CLCA2: variants seen among roughly 807,000 people sequenced by gnomAD.
The protein encoded by CLCA2 is calcium-activated chloride channel regulator 2.
In CLCA2, 85 loss-of-function variants were observed where a neutral mutation model predicts 82.9. The observed-to-expected ratio is 1.03, with a 90% CI of 0.86 to 1.23. CLCA2 has a LOEUF of 1.23. Ranked by LOEUF, CLCA2 falls within the 50% of genes most tolerant of loss-of-function variation. The pLI is 0.00. For missense variants in CLCA2, 1,089 were observed against 1,124.8 expected (o/e 0.97, Z 0.45); for synonymous variants, 421 against 391.7 (o/e 1.07, Z -0.88).
chr1:86,434,133 C>T (rs557958796), intron 5 of CLCA2, among the ~76,000 whole-genome samples: 2 of 152,152 alleles, frequency 1.3e-5, no homozygotes, highest in South Asian at 4.2e-4. Context: ...AAATATTATT[C>T]CAAGGAGTAG....
In CLCA2 at chr1:86,453,464, T is replaced by C. The variant is rs763147874; in HGVS notation, c.2251T>C (p.Ser751Pro). ...FSRVSSGGSFSVLGVPAGPHP... is the reference protein window; with the variant it reads ...FSRVSSGGSFPVLGVPAGPHP... ...CCGAGTCAGCTCAGGAGGCTCCTTTTCAGTGCTGGGAGTTCCAGCTGGCCC... is the reference window on the plus strand; with the variant it reads ...CCGAGTCAGCTCAGGAGGCTCCTTTCCAGTGCTGGGAGTTCCAGCTGGCCC... The change falls in exon 13 of 14, where the codon TCA becomes CCA. Residue 751 changes from serine to proline, a missense_variant. Ser to Pro is a moderately conservative substitution (Grantham distance 74, BLOSUM62 -1). Transcript: ENST00000370565. 1.5e-5 allele frequency: 24 copies of C among 1,614,068 alleles called. No individual in the cohort carries two copies. Among genetic ancestry groups the C allele is most frequent in the Non-Finnish European group, 1.6e-5 (19 of 1,180,038 alleles).
rs1662521674 is a variant in CLCA2, at chr1:86,432,490, G to A, written c.706G>A (p.Ala236Thr). 6.2e-7 allele frequency: 1 copy of A among 1,613,934 alleles called. No homozygotes were observed. Among genetic ancestry groups the A allele is most frequent in the Non-Finnish European group, 8.5e-7 (1 of 1,179,942 alleles). The change falls in exon 5 of 14, where the codon GCA becomes ACA. Residue 236 changes from alanine to threonine, a missense_variant. Ala to Thr is a moderately conservative substitution (Grantham distance 58). Transcript: ENST00000370565. The part of the protein sequence containing the change: ...CTFIYNSTQN[A>T]TASIMFMQSL... ...CTTTATCTACAATAGCACCCAAAATGCAACTGCATCAATAATGTTCATGCA... is the reference window on the plus strand; with the variant it reads ...CTTTATCTACAATAGCACCCAAAATACAACTGCATCAATAATGTTCATGCA...
chr1:86,433,750 A>C (rs1226281077), intron 5 of CLCA2, among the ~76,000 whole-genome samples: 2 of 152,198 alleles, frequency 1.3e-5, no homozygotes, highest in African/African-American at 4.8e-5. Context: ...TCAAAGCTTC[A>C]GCTTTCTTTT....
intron 2 of CLCA2, among the ~76,000 whole-genome samples, 197 bp downstream of exon 2, chr1:86,425,673 T>A (rs941891098): frequency 6.6e-6 from 1 of 152,102 alleles, no homozygotes; most frequent in Non-Finnish European, 1.5e-5. Flanking sequence ...AAAAAATGAG[T>A]CAAATGCCAT....
chr1:86,448,571 A>G (rs1296516653), intron 11 of CLCA2: 1 of 152,208 alleles, frequency 6.6e-6, no homozygotes, highest in African/African-American at 2.4e-5. Context: ...ATGGCAGTAG[A>G]CCTGCCTCTT....
chr1:86,431,071 A>C, intron 4 of CLCA2, 101 bp downstream of exon 4: 2 of 762,844 alleles, frequency 2.6e-6, no homozygotes, highest in Non-Finnish European at 4.2e-6. Context: ...CAATTAATTT[A>C]ATTGCAGCTA....
rs1470320739 is a variant in CLCA2 at position 86,453,508 on chromosome 1, A to C, written c.2295A>C (p.Pro765=). The C allele has an allele frequency of 6.2e-7, 1 of 1,614,136 alleles. No individual in the cohort carries two copies. The highest frequency in any genetic ancestry group is 8.5e-7 in the Non-Finnish European group (1 of 1,180,000). ...CTGGCCCCCACCCTGATGTGTTTCC[A>C]CCATGCAAAATTATTGACCTGGAAG... ...VPAGPHPDVF[P]PCKIIDLEAV... The change falls in exon 13 of 14, where the codon CCA becomes CCC. Residue 765 remains proline, a synonymous_variant. Coordinates refer to ENST00000370565, the MANE Select transcript of CLCA2 (RefSeq NM_006536.7).
intron 7 of CLCA2, 28 bp from the exon 8 acceptor site, chr1:86,440,119 CT>C: frequency 5.6e-6 from 9 of 1,606,316 alleles, no homozygotes; most frequent in Non-Finnish European, 7.7e-6. Context: ...ACTACACTTC[CT>C]TCCAAGTGAC....
At chr1:86,454,753 C>T (rs1325054813) in intron 13 of CLCA2, among the ~76,000 whole-genome samples, 2 of 152,182 alleles carry the variant, frequency 1.3e-5, no homozygotes, top group Non-Finnish European at 2.9e-5. Flanking sequence ...GATGGCGCCA[C>T]TGCACTCCAA....
chr1:86,434,414 T>A, intron 5 of CLCA2, 104 bp from the exon 6 acceptor site: 1 of 877,260 alleles, frequency 1.1e-6, no homozygotes, highest in Admixed American at 2.5e-5. Context: ...TGATTTCTTT[T>A]CTTTCAGTTC....
At chr1:86,453,731 T>A in intron 13 of CLCA2, 129 bp downstream of exon 13, 2 of 812,016 alleles carry the variant, frequency 2.5e-6, no homozygotes, top group Non-Finnish European at 1.9e-6. Flanking sequence ...GATCAGGCTT[T>A]AAATCCTGGA....
At position 86,450,562 on chromosome 1, in the gene CLCA2, G is replaced by C; in HGVS notation, c.1985-1G>C. 1 of 1,608,874 alleles carries C rather than the reference G, an allele frequency of 6.2e-7. No homozygotes were observed. Among genetic ancestry groups the C allele is most frequent in the East Asian group, 2.2e-5 (1 of 44,756 alleles). ...TGACACTGTGTTTTTTATATATACAGGTGCTGATGTTATAAAAAATGATGG... is the reference window on the plus strand; with the variant it reads ...TGACACTGTGTTTTTTATATATACACGTGCTGATGTTATAAAAAATGATGG... On this transcript the variant is annotated splice_acceptor_variant, in intron 11 of 13. Transcript: ENST00000370565. LOFTEE classifies it high-confidence loss of function.
intron 3 of CLCA2, among the ~76,000 whole-genome samples, chr1:86,430,358 T>C (rs1397133701): frequency 6.6e-6 from 1 of 152,146 alleles, no homozygotes; most frequent in Non-Finnish European, 1.5e-5. Context: ...TTTTGCTCCT[T>C]CCTCCTTCCC....
intron 6 of CLCA2, among the ~76,000 whole-genome samples, chr1:86,435,338 C>A (rs559358153): frequency 1.3e-5 from 2 of 152,254 alleles, no homozygotes; most frequent in South Asian, 4.1e-4. Context: ...CTATAATGAT[C>A]GAAAATTCTT....
At position 86,424,244 on chromosome 1, in the gene CLCA2, C is replaced by A. The variant is rs779675924; in HGVS notation, c.-4C>A. 1.2e-6 allele frequency: 2 copies of A among 1,609,940 alleles called. No homozygotes were observed. Among genetic ancestry groups the A allele is most frequent in the Non-Finnish European group, 8.5e-7 (1 of 1,178,558 alleles). On this transcript the variant is annotated 5_prime_UTR_variant, in exon 1 of 14. Transcript: ENST00000370565. ...TGTGAGTGAACTGGAGGCTTCTCTACAACATGACCCAAAGGAGCATTGCAG... is the reference window on the plus strand; with the variant it reads ...TGTGAGTGAACTGGAGGCTTCTCTAAAACATGACCCAAAGGAGCATTGCAG...
chr1:86,434,868 G>C (rs1662574006), intron 6 of CLCA2, 123 bp downstream of exon 6: 1 of 765,988 alleles, frequency 1.3e-6, no homozygotes, highest in Non-Finnish European at 2.1e-6. Flanking sequence ...TACACAGGTA[G>C]ACATGTGCCA....
chr1:86,452,297 T>C (rs1662988513), intron 12 of CLCA2, among the ~76,000 whole-genome samples: 1 of 151,176 alleles, frequency 6.6e-6, no homozygotes, highest in Non-Finnish European at 1.5e-5. Context: ...ACTGCCACTT[T>C]CTTGCCCTCC....
chr1:86,427,443 GA>G (rs1399584236), intron 2 of CLCA2, among the ~76,000 whole-genome samples: 1 of 151,478 alleles, frequency 6.6e-6, no homozygotes, highest in South Asian at 2.1e-4. Context: ...TATACTCATT[GA>G]AAAAAATTAA....
chr1:86,435,256 A>G (rs1415090891), intron 6 of CLCA2, among the ~76,000 whole-genome samples: 4 of 152,238 alleles, frequency 2.6e-5, no homozygotes, highest in Non-Finnish European at 5.9e-5. Flanking sequence ...AAATCCACAG[A>G]TAATTTCTAA....
Sources: allele counts gnomAD v4.1 joint callset (sites outside exome capture counted in the v4.1 genomes callset), GRCh38; gene constraint gnomAD v4.1.1; transcripts MANE v1.5; gene names NCBI Gene and HGNC (gene_info 2026-07-23, HGNC 2026-07-21).